WDR37: variants seen among roughly 807,000 people sequenced by gnomAD.
WDR37 encodes WD repeat-containing protein 37.
WDR37 carries 19 observed loss-of-function variants against 62.9 expected under a neutral mutation model. That is an observed-to-expected ratio of 0.30 (90% CI 0.21 to 0.44). The LOEUF is 0.44. Among genes scored for constraint, WDR37 ranks in the 20% least tolerant of loss-of-function variants. WDR37 has a pLI of 1.00. For missense variants in WDR37, 474 were observed against 657.6 expected, an observed-to-expected ratio of 0.72 and a Z score of 3.05; for synonymous variants, 250 against 260.9, an observed-to-expected ratio of 0.96 and a Z score of 0.40.
chr10:1,120,503 G>A (rs1835543365), intron 11 of WDR37, among the ~76,000 whole-genome samples: 1 of 152,232 alleles, frequency 6.6e-6, no homozygotes, highest in African/African-American at 2.4e-5. Flanking sequence ...TAACAGAACA[G>A]TTGACATGCC....
Position 1,129,570 on chromosome 10 carries a change from C to T in WDR37, c.*226C>T. 1.9e-6 allele frequency: 1 copy of T among 515,618 alleles called. No homozygotes were observed. The highest frequency in any genetic ancestry group is 3.2e-6 in the Non-Finnish European group (1 of 309,120). The allele number at this position is 515,618 out of a possible 1,614,324, so 31.9% of individuals were successfully genotyped here. On this transcript the variant is annotated 3_prime_UTR_variant, in exon 14 of 14. Coordinates refer to ENST00000263150, the MANE Select transcript of WDR37 (RefSeq NM_014023.4). Reference sequence around the variant, plus strand: ...ATGTATGTATATTGGGTCCTCTGGGCAGTAGAGGCAAAGCTCACCTCCCAT... The same window carrying T: ...ATGTATGTATATTGGGTCCTCTGGGTAGTAGAGGCAAAGCTCACCTCCCAT...
chr10:1,122,569 G>T (rs2131689776), intron 11 of WDR37, among the ~76,000 whole-genome samples: 1 of 152,360 alleles, frequency 6.6e-6, no homozygotes, highest in South Asian at 2.1e-4. Context: ...CAGCCCCCTG[G>T]CCGTTGCTGA....
At chr10:1,122,060 T>C (rs1453506493) in intron 11 of WDR37, among the ~76,000 whole-genome samples, 2 of 152,074 alleles carry the variant, frequency 1.3e-5, no homozygotes, top group Admixed American at 6.5e-5. Flanking sequence ...GCTTTGTGAC[T>C]GCGTGGTGCT....
intron 11 of WDR37, among the ~76,000 whole-genome samples, chr10:1,113,080 C>T (rs1450830891): frequency 1.3e-5 from 1 of 74,120 alleles, no homozygotes; most frequent in Non-Finnish European, 4.2e-5. Context: ...CTTCGAAGGA[C>T]AGACTGATGC....
At chr10:1,079,864 G>A (rs765203141) in intron 3 of WDR37, 147 bp from the exon 4 acceptor site, 31 of 629,640 alleles carry the variant, frequency 4.9e-5, no homozygotes, top group Non-Finnish European at 7.0e-5. Flanking sequence ...TCTATGAATT[G>A]TGATCTTGCT....
intron 7 of WDR37, among the ~76,000 whole-genome samples, chr10:1,087,510 G>A (rs990921564): frequency 2.0e-5 from 3 of 152,252 alleles, no homozygotes; most frequent in Non-Finnish European, 4.4e-5. Flanking sequence ...TGGATGTTGT[G>A]TTAGTAGGCA....
At chr10:1,122,769 G>A (rs1340515052) in intron 11 of WDR37, among the ~76,000 whole-genome samples, 6 of 152,204 alleles carry the variant, frequency 3.9e-5, no homozygotes, top group African/African-American at 1.4e-4. Flanking sequence ...TTTGATCACT[G>A]GTTAAGGTAA....
intron 1 of WDR37, among the ~76,000 whole-genome samples, chr10:1,065,603 C>T (rs2131606536): frequency 6.6e-6 from 1 of 151,144 alleles, no homozygotes; most frequent in Non-Finnish European, 1.5e-5. Flanking sequence ...AAAAAAGCTA[C>T]TAGGAAAAAA....
At chr10:1,092,167 G>A (rs1365904228) in intron 7 of WDR37, among the ~76,000 whole-genome samples, 2 of 128,124 alleles carry the variant, frequency 1.6e-5, no homozygotes, top group African/African-American at 6.1e-5. Context: ...GAGACACAGC[G>A]AGACTCCGTC....
At chr10:1,125,213 A>G (rs1589126466) in intron 13 of WDR37, 189 bp downstream of exon 13, 1 of 637,144 alleles carries the variant, frequency 1.6e-6, no homozygotes, top group Non-Finnish European at 1.9e-6. Flanking sequence ...TTCCACACCT[A>G]CTTCAGTGTT....
chr10:1,079,806 T>A (rs1230603464), intron 3 of WDR37, among the ~76,000 whole-genome samples: 2 of 152,202 alleles, frequency 1.3e-5, no homozygotes, highest in African/African-American at 4.8e-5. Flanking sequence ...ATTACAGACG[T>A]GAGCCACCTC....
chr10:1,102,089 G>A (rs566329735), intron 9 of WDR37, among the ~76,000 whole-genome samples: 4 of 139,850 alleles, frequency 2.9e-5, no homozygotes, highest in Admixed American at 7.2e-5. Flanking sequence ...CCGTGCTGCC[G>A]TGCGTCCCTG....
intron 13 of WDR37, among the ~76,000 whole-genome samples, chr10:1,126,273 G>A (rs1277474152): frequency 6.6e-6 from 1 of 151,990 alleles, no homozygotes; most frequent in Non-Finnish European, 1.5e-5. Flanking sequence ...AGGCGTGGTG[G>A]CGGGCGTCTG....
chr10:1,074,254 C>A, intron 2 of WDR37: 1 of 1,059,902 alleles, frequency 9.4e-7, no homozygotes, highest in Non-Finnish European at 1.2e-6. Flanking sequence ...CCCCTGCTGG[C>A]ATGTTCTAGA....
At chr10:1,065,625 T>C (rs1313114558) in intron 1 of WDR37, among the ~76,000 whole-genome samples, 1 of 151,536 alleles carries the variant, frequency 6.6e-6, no homozygotes, top group African/African-American at 2.4e-5. Context: ...CATGATAGAA[T>C]TCAGCACTCA....
rs558091962 is a variant in WDR37 at position 1,103,562 on chromosome 10, A to T, written c.727-40A>T. 1 of 1,599,310 alleles carries T rather than the reference A, an allele frequency of 6.3e-7. No individual in the cohort carries two copies. The highest frequency in any genetic ancestry group is 1.1e-5 in the South Asian group (1 of 90,674). ...ATGTCAGAAGAAACTCAAGATTTCC[A>T]GGAAATGTCTTTCTTTTCTGGCCTT... On this transcript the variant is annotated intron_variant, in intron 9 of 13. Transcript: ENST00000263150. The surrounding 1 kb of genome is among the most constrained non-coding windows in gnomAD (Gnocchi z 6.3).
At chr10:1,073,737 T>C (rs970947143) in intron 2 of WDR37, among the ~76,000 whole-genome samples, 1 of 152,196 alleles carries the variant, frequency 6.6e-6, no homozygotes, top group African/African-American at 2.4e-5. Flanking sequence ...GAGGCCTCTG[T>C]CTGTGGCTCG....
intron 7 of WDR37, among the ~76,000 whole-genome samples, chr10:1,092,328 C>T (rs920327237): frequency 6.6e-6 from 1 of 151,828 alleles, no homozygotes; most frequent in Non-Finnish European, 1.5e-5. Flanking sequence ...CCGGTCTCTA[C>T]TAAAAATACA....
chr10:1,119,212 A>G (rs780118527), intron 11 of WDR37, among the ~76,000 whole-genome samples: 4 of 152,208 alleles, frequency 2.6e-5, no homozygotes, highest in African/African-American at 9.7e-5. Context: ...TTCTAGGATG[A>G]TAAGATCAGT....
Sources: allele counts gnomAD v4.1 joint callset (sites outside exome capture counted in the v4.1 genomes callset), GRCh38; gene constraint gnomAD v4.1.1; non-coding constraint Gnocchi (gnomAD v3.1); transcripts MANE v1.5; gene names NCBI Gene and HGNC (gene_info 2026-07-23, HGNC 2026-07-21).